SLC12A1: variants seen among roughly 807,000 people sequenced by gnomAD.
SLC12A1 encodes the protein Na-K-2Cl cotransporter.
In SLC12A1, 89 loss-of-function variants were observed where a neutral mutation model predicts 130.4. That is an observed-to-expected ratio of 0.68 (90% CI 0.58 to 0.81). SLC12A1 has a LOEUF of 0.81. Among genes scored for constraint, SLC12A1 ranks in the 40% least tolerant of loss-of-function variants. The pLI, the probability that SLC12A1 is intolerant of heterozygous loss-of-function variation, is 0.00. For synonymous variants in SLC12A1, 499 were observed against 460.0 expected, an observed-to-expected ratio of 1.08 and a Z score of -1.09; for missense variants, 1,310 against 1,336.4, an observed-to-expected ratio of 0.98 and a Z score of 0.31.
At chr15:48,218,255 T>A (rs1245121275) in intron 2 of SLC12A1, among the ~76,000 whole-genome samples, 1 of 152,214 alleles carries the variant, frequency 6.6e-6, no homozygotes, top group South Asian at 2.1e-4. Flanking sequence ...ACAATGACTC[T>A]TATGACTCTG....
intron 11 of SLC12A1, among the ~76,000 whole-genome samples, chr15:48,246,000 C>T (rs978315456): frequency 4.6e-5 from 7 of 152,326 alleles, no homozygotes; most frequent in African/African-American, 1.7e-4. Context: ...GGACTTTAAA[C>T]ATATTAATTT....
intron 24 of SLC12A1, among the ~76,000 whole-genome samples, chr15:48,294,279 CAG>C (rs2042150169): frequency 7.0e-6 from 1 of 142,522 alleles, no homozygotes; most frequent in Non-Finnish European, 1.5e-5. Context: ...ACCTGGGAGA[CAG>C]AGGTTGCAGT....
At chr15:48,284,109 C>G (rs2042034296) in intron 20 of SLC12A1, among the ~76,000 whole-genome samples, 1 of 152,210 alleles carries the variant, frequency 6.6e-6, no homozygotes, top group Admixed American at 6.5e-5. Context: ...GACTCCTGTT[C>G]CAGACTAAAA....
chr15:48,240,367 A>G (rs903512376), intron 9 of SLC12A1, among the ~76,000 whole-genome samples: 4 of 151,986 alleles, frequency 2.6e-5, no homozygotes, highest in African/African-American at 7.2e-5. Context: ...GAAGAGACTC[A>G]GTATGTACAT....
Position 48,232,843 on chromosome 15 carries a change from A to G in SLC12A1, c.1087+5A>G. 1 of 1,539,786 alleles carries G rather than the reference A, an allele frequency of 6.5e-7. No individual in the cohort carries two copies. The highest frequency in any genetic ancestry group is 9.0e-7 in the Non-Finnish European group (1 of 1,113,298). On this transcript the variant is annotated splice_donor_5th_base_variant and intron_variant, in intron 8 of 26. Transcript: ENST00000380993. Reference sequence around the variant, plus strand: ...GAGGTTTCTTTAATTACCAAGGTACATGGAATAAATTGGTTGCTTTTCATT... The same window carrying G: ...GAGGTTTCTTTAATTACCAAGGTACGTGGAATAAATTGGTTGCTTTTCATT...
intron 9 of SLC12A1, among the ~76,000 whole-genome samples, chr15:48,236,092 AACACACACACACACACACACACAC>A (rs56371843): frequency 6.9e-6 from 1 of 145,800 alleles, no homozygotes; most frequent in Non-Finnish European, 1.5e-5. Flanking sequence ...AGCCATTTCT[AACACACACACACACACACACACAC>A]ACACACACAC....
In SLC12A1 at chr15:48,247,337, G is replaced by C; in HGVS notation, c.1561G>C (p.Ala521Pro). Residue 521 changes from alanine to proline, a missense_variant and splice_region_variant, in exon 13 of 27, where the codon GCT becomes CCT. Physicochemically the swap from Ala to Pro is conservative, Grantham distance 27. Coordinates refer to ENST00000380993, the MANE Select transcript of SLC12A1 (RefSeq NM_000338.3). ...SLVSAPKVFQ[A>P]LCKDNIYKAL... ...AATTTCTTCTCTTCTTTTCCATTAGGCTCTGTGCAAGGACAACATCTACAA... is the reference window on the plus strand; with the variant it reads ...AATTTCTTCTCTTCTTTTCCATTAGCCTCTGTGCAAGGACAACATCTACAA... The C allele has an allele frequency of 6.2e-7, 1 of 1,606,324 alleles. No individual in the cohort carries two copies. Among genetic ancestry groups the C allele is most frequent in the Non-Finnish European group, 8.5e-7 (1 of 1,178,372 alleles).
intron 8 of SLC12A1, 150 bp downstream of exon 8, chr15:48,232,988 A>G: frequency 1.6e-6 from 1 of 620,216 alleles, no homozygotes. Context: ...AATGGGAAGT[A>G]CGTTGGGGAA....
intron 23 of SLC12A1, among the ~76,000 whole-genome samples, chr15:48,291,110 G>T (rs1279244314): frequency 6.6e-6 from 1 of 151,824 alleles, no homozygotes; most frequent in Non-Finnish European, 1.5e-5. Flanking sequence ...AATATAAAGA[G>T]AGAGAAACAA....
intron 9 of SLC12A1, among the ~76,000 whole-genome samples, chr15:48,240,034 TATATATATATATATCC>T (rs1411482859): frequency 0.13 from 3,272 of 25,194 alleles, 400 homozygotes; most frequent in Admixed American, 0.3. Flanking sequence ...TATATCCATA[TATATATATATATATCC>T]ATATATATAT....
chr15:48,244,660 C>A, intron 10 of SLC12A1, 93 bp from the exon 11 acceptor site: 2 of 1,271,112 alleles, frequency 1.6e-6, no homozygotes, highest in Admixed American at 2.0e-5. Flanking sequence ...AGAAATGGAC[C>A]TTTTCAGTCT....
At chr15:48,228,526 G>A (rs1411981068) in intron 5 of SLC12A1, 2 of 164,194 alleles carry the variant, frequency 1.2e-5, no homozygotes, top group Non-Finnish European at 2.7e-5. Flanking sequence ...CTTGTTTTAT[G>A]CAGCACATAT....
intron 2 of SLC12A1, among the ~76,000 whole-genome samples, chr15:48,215,986 T>C (rs549087205): frequency 6.6e-6 from 1 of 152,270 alleles, no homozygotes; most frequent in African/African-American, 2.4e-5. Context: ...GAGTAAGCAA[T>C]GGAAATGGCT....
intron 20 of SLC12A1, among the ~76,000 whole-genome samples, chr15:48,276,653 T>G (rs2141100288): frequency 6.6e-6 from 1 of 152,304 alleles, no homozygotes; most frequent in Admixed American, 6.5e-5. Context: ...TTTTTATTGC[T>G]TATGACACCC....
intron 17 of SLC12A1, among the ~76,000 whole-genome samples, chr15:48,260,347 ATCAC>A (rs1258927611): frequency 1.6e-5 from 1 of 62,220 alleles, no homozygotes; most frequent in Non-Finnish European, 3.0e-5. Context: ...CTCTCTCTCT[ATCAC>A]ACACACACAC....
chr15:48,258,160 G>T (rs1257106594), intron 16 of SLC12A1, among the ~76,000 whole-genome samples: 5 of 72,560 alleles, frequency 6.9e-5, no homozygotes, highest in Admixed American at 2.6e-4. Flanking sequence ...AGGAGATCGA[G>T]ACCATCCCGG....
chr15:48,240,796 C>G (rs532689437), intron 9 of SLC12A1, among the ~76,000 whole-genome samples: 1 of 152,084 alleles, frequency 6.6e-6, no homozygotes, highest in Non-Finnish European at 1.5e-5. Flanking sequence ...ATTCAATATG[C>G]TACTTAAGAA....
chr15:48,221,961 A>T (rs1382571048), intron 4 of SLC12A1, among the ~76,000 whole-genome samples: 1 of 152,182 alleles, frequency 6.6e-6, no homozygotes, highest in African/African-American at 2.4e-5. Flanking sequence ...CGGAAGACTA[A>T]CTCAAAAAAG....
At chr15:48,268,239 C>T (rs1435507986) in intron 18 of SLC12A1, among the ~76,000 whole-genome samples, 1 of 152,114 alleles carries the variant, frequency 6.6e-6, no homozygotes, top group African/African-American at 2.4e-5. Flanking sequence ...CCATAGTTCT[C>T]ACATCTTTTT....
Sources: gnomAD v4.1 joint callset for allele counts (sites outside exome capture counted in the v4.1 genomes callset) on GRCh38, gnomAD v4.1.1 for gene constraint, MANE v1.5 for transcripts, NCBI Gene and HGNC (gene_info 2026-07-23, HGNC 2026-07-21) for gene names.